The following SGCD variants were observed in gnomAD, a reference collection of about 807,000 sequenced individuals.
SGCD encodes the protein sarcoglycan delta, also known as delta-sarcoglycan.
In SGCD, 18 loss-of-function variants were observed where a neutral mutation model predicts 36.6. That is an observed-to-expected ratio of 0.49 (90% CI 0.34 to 0.73). The LOEUF is 0.73. Among genes scored for constraint, SGCD ranks in the 30% least tolerant of loss-of-function variants. The pLI is 0.01. For missense variants in SGCD, 387 were observed against 346.7 expected, an observed-to-expected ratio of 1.12 and a Z score of -0.92; for synonymous variants, 133 against 130.6, an observed-to-expected ratio of 1.02 and a Z score of -0.12.
At chr5:156,604,214 C>A (rs1042371242) in intron 6 of SGCD, among the ~76,000 whole-genome samples, 3 of 151,726 alleles carry the variant, frequency 2.0e-5, no homozygotes, top group Non-Finnish European at 4.4e-5. Flanking sequence ...ATGGCTACTC[C>A]TGCTTGCTTT....
At chr5:155,865,270 CA>C in the SGCD span, among the ~76,000 whole-genome samples, 2 of 134,586 alleles carry the variant, frequency 1.5e-5, no homozygotes, top group East Asian at 2.1e-4. Context: ...ATAATTTATA[CA>C]TTTTTTTAAA....
chr5:156,669,548 G>C (rs1339341904), intron 7 of SGCD, among the ~76,000 whole-genome samples: 1 of 152,180 alleles, frequency 6.6e-6, no homozygotes, highest in East Asian at 1.9e-4. Context: ...ATTCAGGTAA[G>C]CACAATAAGG....
chr5:156,347,685 T>G (rs1769021067), intron 3 of SGCD, among the ~76,000 whole-genome samples: 1 of 152,184 alleles, frequency 6.6e-6, no homozygotes, highest in Non-Finnish European at 1.5e-5. Flanking sequence ...ATTTAATTTG[T>G]AGAACCTGTA....
chr5:155,904,556 A>G (rs1348237960), intron 1 of SGCD, among the ~76,000 whole-genome samples: 4 of 152,236 alleles, frequency 2.6e-5, no homozygotes, highest in Non-Finnish European at 5.9e-5. Flanking sequence ...TTTTTAAAAG[A>G]ATAATTACGC....
At chr5:156,436,267 A>G (rs143901503) in intron 3 of SGCD, among the ~76,000 whole-genome samples, 4 of 152,236 alleles carry the variant, frequency 2.6e-5, no homozygotes, top group South Asian at 4.1e-4. Flanking sequence ...ATCACACACT[A>G]TAAGATTTTA....
At chr5:156,191,651 T>C (rs1763897952) in intron 3 of SGCD, among the ~76,000 whole-genome samples, 1 of 152,182 alleles carries the variant, frequency 6.6e-6, no homozygotes, top group Non-Finnish European at 1.5e-5. Context: ...CGTGTCTCTT[T>C]TGTTTCTGAG....
chr5:156,690,652 C>T (rs1754073296), intron 7 of SGCD, among the ~76,000 whole-genome samples: 1 of 152,026 alleles, frequency 6.6e-6, no homozygotes, highest in South Asian at 2.1e-4. Flanking sequence ...AAATAGAAGA[C>T]ATAGCCAGGT....
chr5:155,867,254 T>C (rs546465932), upstream of SGCD, among the ~76,000 whole-genome samples: 1 of 152,188 alleles, frequency 6.6e-6, no homozygotes, highest in African/African-American at 2.4e-5. Context: ...CAGTAATGGC[T>C]TAAGCCAGAG....
At position 156,004,411 on chromosome 5, in the gene SGCD, G is replaced by C. The variant is rs1028709816; in HGVS notation, c.-281-113467G>C. ...ATCCCTTCTATTTTACTGAGAAACT[G>C]TGGTGTTCCTAGCATTATGTGAGGT... On this transcript the variant is annotated intron_variant, in intron 1 of 9. Coordinates refer to the SGCD transcript ENST00000517913. Among the ~76,000 whole-genome samples the C allele has an allele frequency of 2.0e-5, 3 of 152,126 alleles. No homozygotes were observed. In the East Asian group the frequency reaches 5.8e-4, roughly 29 times the overall value.
chr5:156,635,048 C>G (rs531474097), intron 6 of SGCD, among the ~76,000 whole-genome samples: 17 of 151,464 alleles, frequency 1.1e-4, no homozygotes, highest in African/African-American at 3.9e-4. Context: ...CATGGTAAAA[C>G]CCTCTCTCTA....
the SGCD span, among the ~76,000 whole-genome samples, chr5:155,735,015 G>A: frequency 1.3e-4 from 20 of 152,230 alleles, no homozygotes; most frequent in African/African-American, 4.8e-4. Flanking sequence ...TTTATTGGAA[G>A]TTGGATCTAC....
chr5:155,968,017 C>T (rs951351681), intron 1 of SGCD, among the ~76,000 whole-genome samples: 6 of 152,028 alleles, frequency 3.9e-5, no homozygotes, highest in Admixed American at 3.3e-4. Context: ...GGATTTCTTC[C>T]CTCTGATACT....
intron 7 of SGCD, among the ~76,000 whole-genome samples, chr5:156,673,880 T>G (rs548026873): frequency 6.6e-6 from 1 of 152,352 alleles, no homozygotes; most frequent in South Asian, 2.1e-4. Flanking sequence ...AGCTAATAAG[T>G]TATTCATGAT....
chr5:156,143,143 G>T (rs1251998474), intron 3 of SGCD, among the ~76,000 whole-genome samples: 1 of 152,204 alleles, frequency 6.6e-6, no homozygotes, highest in Non-Finnish European at 1.5e-5. Flanking sequence ...CTCCAGCCTT[G>T]GCTCTAGCCA....
At chr5:155,777,790 GT>G in the SGCD span, among the ~76,000 whole-genome samples, 8 of 151,404 alleles carry the variant, frequency 5.3e-5, no homozygotes, top group East Asian at 1.2e-3. Context: ...TTGTTTCTGA[GT>G]TTTTTTTTGT....
chr5:155,746,740 C>A, the SGCD span, among the ~76,000 whole-genome samples: 1 of 152,120 alleles, frequency 6.6e-6, no homozygotes, highest in South Asian at 2.1e-4. Flanking sequence ...CAATAGGAAT[C>A]CTCCCTAATG....
intron 4 of SGCD, among the ~76,000 whole-genome samples, chr5:156,533,732 C>G (rs1373422128): frequency 6.6e-6 from 1 of 152,110 alleles, no homozygotes; most frequent in Non-Finnish European, 1.5e-5. Flanking sequence ...TATAAGGATG[C>G]CTTAGGGCTT....
intron 3 of SGCD, among the ~76,000 whole-genome samples, chr5:156,348,768 G>A (rs1443198209): frequency 1.3e-5 from 2 of 151,888 alleles, no homozygotes; most frequent in Non-Finnish European, 2.9e-5. Context: ...AATTCATATG[G>A]AACCAAAAAG....
rs186741503 is a variant in SGCD, at chr5:156,579,952, G to C, written c.295-9279G>C. 2.1e-3 allele frequency among the ~76,000 whole-genome samples: 326 copies of C among 152,184 alleles called. 2 individuals carry two copies. Among genetic ancestry groups the C allele is most frequent in the Non-Finnish European group, 2.4e-3 (161 of 67,980 alleles). On this transcript the variant is annotated intron_variant, in intron 4 of 8. Coordinates refer to ENST00000337851, the MANE Select transcript of SGCD (RefSeq NM_000337.6). ...TTGTTATGTGTGAATTTGATCCTGT[G>C]ATTATGATTTTAGCTGGATATTTTG...
Sources: allele counts gnomAD v4.1 joint callset (sites outside exome capture counted in the v4.1 genomes callset), GRCh38; gene constraint gnomAD v4.1.1; transcripts MANE v1.5; gene names NCBI Gene and HGNC (gene_info 2026-07-23, HGNC 2026-07-21).